Variants in AFG1L observed in about 807,000 individuals in gnomAD.
The protein encoded by AFG1L is AFG1-like ATPase.
In AFG1L, 53 loss-of-function variants were observed where a neutral mutation model predicts 62.2. The observed-to-expected ratio is 0.85, with a 90% CI of 0.68 to 1.07. The LOEUF (loss-of-function observed/expected upper bound fraction) is 1.07. AFG1L is among the 50% of genes least tolerant of loss of function. The pLI, the probability that AFG1L is intolerant of heterozygous loss-of-function variation, is 0.00. For missense variants in AFG1L, 555 were observed against 590.5 expected (o/e 0.94, Z 0.62); for synonymous variants, 228 against 210.3 (o/e 1.08, Z -0.73).
chr6:108,304,845 T>C (rs1244781563), intron 1 of AFG1L, among the ~76,000 whole-genome samples: 1 of 152,238 alleles, frequency 6.6e-6, no homozygotes, highest in Non-Finnish European at 1.5e-5. Flanking sequence ...GTTTTAGGAA[T>C]GGTGAACATA....
intron 8 of AFG1L, among the ~76,000 whole-genome samples, chr6:108,468,290 T>C (rs1300162030): frequency 6.6e-6 from 1 of 152,174 alleles, no homozygotes; most frequent in Non-Finnish European, 1.5e-5. Context: ...AACTCACATG[T>C]CCTAAAAATG....
chr6:108,453,712 A>G (rs1396828187), intron 8 of AFG1L, among the ~76,000 whole-genome samples: 1 of 152,174 alleles, frequency 6.6e-6, no homozygotes, highest in East Asian at 1.9e-4. Flanking sequence ...ATCTTCCCAT[A>G]CCTAAACTTT....
intron 12 of AFG1L, chr6:108,520,490 G>A (rs1775083729): frequency 6.6e-6 from 1 of 152,142 alleles, no homozygotes; most frequent in Admixed American, 6.6e-5. Context: ...GTTATGAGAT[G>A]TGTTTCTCAA....
At chr6:108,517,793 A>G (rs1774962221) in intron 11 of AFG1L, among the ~76,000 whole-genome samples, 1 of 152,216 alleles carries the variant, frequency 6.6e-6, no homozygotes, top group Non-Finnish European at 1.5e-5. Context: ...CAATGAACTC[A>G]AACAAATTTA....
In AFG1L at chr6:108,525,574, T is replaced by G. The variant is rs1385185092; in HGVS notation, c.*3149T>G. The G allele has an allele frequency of 5.3e-5, 8 of 152,264 alleles. No individual in the cohort carries two copies. The highest frequency in any genetic ancestry group is 2.6e-4 in the Admixed American group (4 of 15,288). 9.4% of individuals were successfully genotyped at this position (152,264 alleles called of 1,614,324 possible). On this transcript the variant is annotated 3_prime_UTR_variant, in exon 13 of 13. Coordinates refer to ENST00000368977, the MANE Select transcript of AFG1L (RefSeq NM_145315.5). Reference sequence around the variant, plus strand: ...GTGGATGTGCTTATATCCATTTATTTATTTAAGAAACACATGATGTTTTCT... The same window carrying G: ...GTGGATGTGCTTATATCCATTTATTGATTTAAGAAACACATGATGTTTTCT...
At position 108,477,293 on chromosome 6, in the gene AFG1L, G is replaced by GT; in HGVS notation, c.1062+2dup. On this transcript the variant is annotated splice_donor_variant, in intron 10 of 12. Transcript: ENST00000368977. LOFTEE classifies it high-confidence loss of function. ...CACATTTGAAGAGCTGTGTGAGAGA[G>GT]TAAGTATCCAGGCACGTCCAGACTC... 1 of 1,590,146 alleles carries GT rather than the reference G, an allele frequency of 6.3e-7. No homozygotes were observed. The highest frequency in any genetic ancestry group is 8.6e-7 in the Non-Finnish European group (1 of 1,163,704).
intron 7 of AFG1L, 104 bp from the exon 8 acceptor site, chr6:108,447,110 T>C: frequency 2.1e-6 from 1 of 487,252 alleles, no homozygotes; most frequent in Non-Finnish European, 3.7e-6. Flanking sequence ...TATTAGTTTT[T>C]GAGCAAACAT....
At position 108,522,480 on chromosome 6, in the gene AFG1L, C is replaced by T; in HGVS notation, c.*55C>T. On this transcript the variant is annotated 3_prime_UTR_variant, in exon 13 of 13. Coordinates refer to ENST00000368977, the MANE Select transcript of AFG1L (RefSeq NM_145315.5). ...ACAAATGGTTAACGCAGGCAGAACT[C>T]CTTATTGTGGGACTTGAAGGAATCA... 1 of 1,548,492 alleles carries T rather than the reference C, an allele frequency of 6.5e-7. No individual in the cohort carries two copies. The highest frequency in any genetic ancestry group is 1.2e-5 in the South Asian group (1 of 83,634).
chr6:108,336,731 C>A (rs1312888530), intron 2 of AFG1L, among the ~76,000 whole-genome samples: 1 of 152,126 alleles, frequency 6.6e-6, no homozygotes, highest in South Asian at 2.1e-4. Flanking sequence ...TTTTTTCCAA[C>A]TTTTCATTTT....
intron 7 of AFG1L, among the ~76,000 whole-genome samples, chr6:108,434,844 C>T (rs1417758460): frequency 6.6e-6 from 1 of 152,180 alleles, no homozygotes; most frequent in Non-Finnish European, 1.5e-5. Flanking sequence ...AATTTTAGAT[C>T]CCCAATTCGC....
intron 7 of AFG1L, among the ~76,000 whole-genome samples, chr6:108,439,512 G>T (rs750214265): frequency 3.9e-5 from 6 of 152,186 alleles, no homozygotes; most frequent in East Asian, 1.9e-4. Context: ...TATCACAAAA[G>T]AATACATACT....
chr6:108,328,122 A>G (rs1268568812), intron 2 of AFG1L, among the ~76,000 whole-genome samples: 2 of 152,192 alleles, frequency 1.3e-5, no homozygotes, highest in African/African-American at 4.8e-5. Flanking sequence ...AAAAATATAG[A>G]CTGCTTATGT....
intron 10 of AFG1L, among the ~76,000 whole-genome samples, chr6:108,481,115 A>G (rs1055354572): frequency 1.3e-5 from 2 of 152,202 alleles, no homozygotes; most frequent in Non-Finnish European, 2.9e-5. Context: ...ATTAATAAAA[A>G]TACTTTCTCT....
intron 12 of AFG1L, 170 bp from the exon 13 acceptor site, chr6:108,522,127 A>G (rs1021058191): frequency 6.1e-6 from 3 of 494,494 alleles, no homozygotes; most frequent in African/African-American, 5.8e-5. Context: ...ATCAGTTTAA[A>G]TTGGTTGACT....
chr6:108,497,567 C>T (rs968481103), intron 10 of AFG1L, among the ~76,000 whole-genome samples: 4 of 151,848 alleles, frequency 2.6e-5, no homozygotes. Context: ...TATTCTAAAA[C>T]GATACCACAA....
At chr6:108,328,232 A>G in intron 2 of AFG1L, among the ~76,000 whole-genome samples, 1 of 152,224 alleles carries the variant, frequency 6.6e-6, no homozygotes, top group East Asian at 1.9e-4. Flanking sequence ...AGTTTGTGAT[A>G]CAGGTGGGCA....
chr6:108,347,083 T>A, intron 3 of AFG1L, 44 bp downstream of exon 3: 1 of 1,441,536 alleles, frequency 6.9e-7, no homozygotes, highest in Non-Finnish European at 9.8e-7. Context: ...AACAGAAAGT[T>A]TCTCAGCTTT....
chr6:108,393,263 G>T (rs183284968), intron 6 of AFG1L, among the ~76,000 whole-genome samples: 1 of 152,090 alleles, frequency 6.6e-6, no homozygotes, highest in Non-Finnish European at 1.5e-5. Context: ...TAAAAATTTT[G>T]TTGGCTAAAT....
At chr6:108,507,151 T>C (rs922759795) in intron 10 of AFG1L, among the ~76,000 whole-genome samples, 1 of 152,190 alleles carries the variant, frequency 6.6e-6, no homozygotes. Context: ...ATGAATAACC[T>C]CTCCTTGTTT....
Sources: gnomAD v4.1 joint callset for allele counts (sites outside exome capture counted in the v4.1 genomes callset) on GRCh38, gnomAD v4.1.1 for gene constraint, MANE v1.5 for transcripts, NCBI Gene and HGNC (gene_info 2026-07-23, HGNC 2026-07-21) for gene names.